Variants in CNTNAP2 observed in about 807,000 individuals in gnomAD.
CNTNAP2 encodes the protein contactin associated protein 2, also known as contactin-associated protein-like 2.
CNTNAP2 carries 98 observed loss-of-function variants against 155.2 expected under a neutral mutation model. The observed-to-expected ratio is 0.63, with a 90% CI of 0.54 to 0.75. The LOEUF (loss-of-function observed/expected upper bound fraction) is 0.75, where lower values mean the gene tolerates loss of function less well. Ranked by LOEUF, CNTNAP2 falls within the 30% of genes least tolerant of loss-of-function variation. The probability of loss-of-function intolerance (pLI) is 0.00; values close to 1 mark genes in which losing one functional copy is unlikely to be tolerated. For missense variants in CNTNAP2, 1,727 were observed against 1,688.1 expected, an observed-to-expected ratio of 1.02 and a Z score of -0.40; for synonymous variants, 651 against 631.2, an observed-to-expected ratio of 1.03 and a Z score of -0.47.
chr7:148,133,209 T>A (rs1203357016), intron 16 of CNTNAP2, among the ~76,000 whole-genome samples: 1 of 152,046 alleles, frequency 6.6e-6, no homozygotes, highest in Non-Finnish European at 1.5e-5. Context: ...ACGCCTGTAG[T>A]CCAGTACTTT....
chr7:147,219,309 G>A (rs1803343818), intron 8 of CNTNAP2, among the ~76,000 whole-genome samples: 2 of 152,144 alleles, frequency 1.3e-5, no homozygotes, highest in Admixed American at 6.5e-5. Context: ...AAGCTGAGGA[G>A]CAAGGAAGCT....
chr7:146,730,688 C>T lies in CNTNAP2; in HGVS notation c.98-43583C>T, dbSNP rs370692294. 2.4e-3 allele frequency among the ~76,000 whole-genome samples: 368 copies of T among 152,210 alleles called. 2 individuals carry two copies. Among genetic ancestry groups the T allele is most frequent in the African/African-American group, 6.5e-3 (269 of 41,540 alleles). On this transcript the variant is annotated intron_variant, in intron 1 of 23. Coordinates refer to ENST00000361727, the MANE Select transcript of CNTNAP2 (RefSeq NM_014141.6). ...TTTTATTTACATTTGTGACCAGTTTCTTGAATGAGTGGCTAAATAATTCAG... is the reference window on the plus strand; with the variant it reads ...TTTTATTTACATTTGTGACCAGTTTTTTGAATGAGTGGCTAAATAATTCAG...
chr7:148,218,932 C>A (rs1423395713), intron 19 of CNTNAP2, among the ~76,000 whole-genome samples: 1 of 139,040 alleles, frequency 7.2e-6, no homozygotes, highest in Admixed American at 7.1e-5. Flanking sequence ...ATTCTAAGAT[C>A]ACTCTTTTTT....
intron 1 of CNTNAP2, among the ~76,000 whole-genome samples, chr7:146,257,838 T>C (rs576139495): frequency 8.5e-5 from 13 of 152,276 alleles, no homozygotes; most frequent in African/African-American, 2.9e-4. Flanking sequence ...ATTCCAACGA[T>C]GTGCTATCTG....
At chr7:147,736,689 A>G (rs1796852224) in intron 13 of CNTNAP2, among the ~76,000 whole-genome samples, 1 of 152,182 alleles carries the variant, frequency 6.6e-6, no homozygotes, top group Non-Finnish European at 1.5e-5. Context: ...CTTTTCACAT[A>G]GTGCCATATT....
intron 11 of CNTNAP2, among the ~76,000 whole-genome samples, chr7:147,488,287 A>G (rs1174772737): frequency 6.6e-6 from 1 of 152,206 alleles, no homozygotes; most frequent in Non-Finnish European, 1.5e-5. Context: ...CGAAGGCCCC[A>G]GTTTCTGATG....
At chr7:147,284,163 G>GT (rs941599513) in intron 8 of CNTNAP2, among the ~76,000 whole-genome samples, 65 of 151,560 alleles carry the variant, frequency 4.3e-4, no homozygotes, top group Non-Finnish European at 7.1e-4. Context: ...TAAATAACGT[G>GT]TTTTTTTCCC....
Position 146,218,386 on chromosome 7 carries a change from G to T in CNTNAP2, c.97+101413G>T, listed in dbSNP as rs577545428. On this transcript the variant is annotated intron_variant, in intron 1 of 23. Transcript: ENST00000361727. ...TAGCCGGGCGTGGTGGCGGGCGCCC[G>T]TAGTCCCAGCTACTCGGGAGGCTGA... is the stretch of plus-strand genomic sequence containing the variant. Among the ~76,000 whole-genome samples, 120 of 152,158 alleles carry T rather than the reference G, an allele frequency of 7.9e-4. 1 individual carries two copies. The highest frequency in any genetic ancestry group is 6.8e-3 in the Middle Eastern group (2 of 294).
intron 22 of CNTNAP2, among the ~76,000 whole-genome samples, chr7:148,392,013 T>C (rs1799361784): frequency 6.6e-6 from 1 of 152,230 alleles, no homozygotes; most frequent in Admixed American, 6.5e-5. Flanking sequence ...AGATGAAGCA[T>C]TTTAAGATGT....
chr7:148,237,597 T>G (rs1422090405), intron 20 of CNTNAP2, among the ~76,000 whole-genome samples: 1 of 152,216 alleles, frequency 6.6e-6, no homozygotes, highest in East Asian at 1.9e-4. Context: ...CAGTAAAAAG[T>G]CTTACCTGGA....
At chr7:147,632,131 A>C (rs944383695) in intron 12 of CNTNAP2, among the ~76,000 whole-genome samples, 6 of 152,170 alleles carry the variant, frequency 3.9e-5, no homozygotes, top group African/African-American at 9.7e-5. Flanking sequence ...ACAAATCAGC[A>C]ACAAAAAACC....
chr7:147,430,415 A>G (rs1032566312), intron 10 of CNTNAP2, among the ~76,000 whole-genome samples: 2 of 152,218 alleles, frequency 1.3e-5, no homozygotes, highest in African/African-American at 4.8e-5. Flanking sequence ...CAGTGAAGAT[A>G]CTTAGAGAAA....
At chr7:148,021,851 G>A (rs1346519464) in intron 15 of CNTNAP2, among the ~76,000 whole-genome samples, 1 of 152,194 alleles carries the variant, frequency 6.6e-6, no homozygotes, top group African/African-American at 2.4e-5. Flanking sequence ...AGTGGCGGAG[G>A]CCGGGTGAGC....
chr7:147,317,241 A>G (rs981568901), intron 9 of CNTNAP2, among the ~76,000 whole-genome samples: 3 of 152,164 alleles, frequency 2.0e-5, no homozygotes, highest in African/African-American at 7.2e-5. Context: ...AGTCCATTCT[A>G]GTTAGTCCTC....
At position 147,702,077 on chromosome 7, in the gene CNTNAP2, T is replaced by C. The variant is rs1009809350; in HGVS notation, c.2098+62771T>C. 1.2e-4 allele frequency among the ~76,000 whole-genome samples: 16 copies of C among 137,710 alleles called. No homozygotes were observed. In the South Asian group the frequency reaches 1.2e-3, roughly 10 times the overall value. 90.3% of individuals were successfully genotyped at this position (137,710 alleles called of 152,430 possible). The stretch of plus-strand genomic sequence containing the variant: ...TTGGTTTTTTTTTTTTTTTTTTTTT[T>C]CCGAAATATACTTGTCCATATCTCT... On this transcript the variant is annotated intron_variant, in intron 13 of 23. Coordinates refer to ENST00000361727, the MANE Select transcript of CNTNAP2 (RefSeq NM_014141.6).
At chr7:148,118,038 A>G in intron 15 of CNTNAP2, 80 bp from the exon 16 acceptor site, 1 of 1,444,888 alleles carries the variant, frequency 6.9e-7, no homozygotes, top group Non-Finnish European at 9.7e-7. Context: ...TACTTATTAA[A>G]CTCAAGCAAT....
intron 21 of CNTNAP2, among the ~76,000 whole-genome samples, chr7:148,321,339 G>A (rs967744033): frequency 9.2e-5 from 14 of 152,160 alleles, no homozygotes; most frequent in Admixed American, 2.0e-4. Context: ...GCAGGGAAAG[G>A]GTTTGGCTCT....
At chr7:147,635,119 C>T (rs73470985) in intron 12 of CNTNAP2, among the ~76,000 whole-genome samples, 9,747 of 150,688 alleles carry the variant, frequency 0.065, 889 homozygotes, top group African/African-American at 0.18. Context: ...AGGCAATCCC[C>T]ATTCACAGGG....
intron 1 of CNTNAP2, among the ~76,000 whole-genome samples, chr7:146,246,520 T>C (rs917158868): frequency 2.7e-5 from 4 of 149,900 alleles, no homozygotes; most frequent in Non-Finnish European, 5.9e-5. Flanking sequence ...AAGAAGGTAA[T>C]GTGGAGTGGG....
Sources: gnomAD v4.1 joint callset for allele counts (sites outside exome capture counted in the v4.1 genomes callset) on GRCh38, gnomAD v4.1.1 for gene constraint, MANE v1.5 for transcripts, NCBI Gene and HGNC (gene_info 2026-07-23, HGNC 2026-07-21) for gene names.